Variants in ADAM29 observed in about 807,000 individuals in gnomAD.
ADAM29 encodes disintegrin and metalloproteinase domain-containing protein 29.
For missense variants in ADAM29, 969 were observed against 1,001.8 expected (o/e 0.97, Z 0.44); for synonymous variants, 367 against 342.3 (o/e 1.07, Z -0.80).
At position 174,973,853 on chromosome 4, in the gene ADAM29, A is replaced by G. The variant is rs190943529; in HGVS notation, c.-180-1493A>G. Among the ~76,000 whole-genome samples, 94 of 152,304 alleles carry G rather than the reference A, an allele frequency of 6.2e-4. 1 individual carries two copies. Among genetic ancestry groups the G allele is most frequent in the Non-Finnish European group, 9.9e-4 (67 of 68,010 alleles). ...AAAACAACGAGGCTTTGGTCTTCCT[A>G]TGTCATTTGATAGAGGGCTAGGAAA... On this transcript the variant is annotated intron_variant, in intron 4 of 4. Coordinates refer to ENST00000359240, the MANE Select transcript of ADAM29 (RefSeq NM_014269.4).
intron 4 of ADAM29, among the ~76,000 whole-genome samples, chr4:174,973,555 C>G (rs1031371557): frequency 6.6e-6 from 1 of 152,306 alleles, no homozygotes; most frequent in East Asian, 1.9e-4. Flanking sequence ...TGATGTCACT[C>G]TGTAGGAGAT....
intron 4 of ADAM29, among the ~76,000 whole-genome samples, chr4:174,965,166 T>G (rs979907982): frequency 3.3e-5 from 5 of 152,126 alleles, no homozygotes; most frequent in African/African-American, 9.7e-5. Flanking sequence ...TTAGGTCTTG[T>G]GAGGGACTCC....
At chr4:174,945,536 C>T (rs551377248) in intron 4 of ADAM29, among the ~76,000 whole-genome samples, 2 of 152,196 alleles carry the variant, frequency 1.3e-5, no homozygotes, top group South Asian at 2.1e-4. Context: ...GTTGCAATTG[C>T]TTTTGGCATC....
rs374178981 is a variant in ADAM29 at position 174,974,441 on chromosome 4, A to G, written c.-180-905A>G. ...TTTTCTTTTTATTAACCATCCTTCT[A>G]TTCTCTATGTCCATGAGTTTTCAGA... On this transcript the variant is annotated intron_variant, in intron 4 of 4. Transcript: ENST00000359240. Among the ~76,000 whole-genome samples, 5 of 152,246 alleles carry G rather than the reference A, an allele frequency of 3.3e-5. No individual in the cohort carries two copies. The East Asian group carries it at 5.8e-4, about 18-fold the overall frequency.
chr4:174,960,769 C>T (rs765768958), intron 4 of ADAM29, among the ~76,000 whole-genome samples: 5 of 152,144 alleles, frequency 3.3e-5, no homozygotes, highest in Non-Finnish European at 7.4e-5. Flanking sequence ...TTGTTTTGCA[C>T]TAACTTCCTG....
chr4:174,961,891 T>C (rs1414855668), intron 4 of ADAM29, among the ~76,000 whole-genome samples: 1 of 152,188 alleles, frequency 6.6e-6, no homozygotes, highest in African/African-American at 2.4e-5. Context: ...CTTCAGACAC[T>C]TTCTGTCTTT....
At chr4:174,962,122 A>G (rs1745856385) in intron 4 of ADAM29, among the ~76,000 whole-genome samples, 1 of 152,230 alleles carries the variant, frequency 6.6e-6, no homozygotes, top group African/African-American at 2.4e-5. Context: ...AAATTTGCAT[A>G]AACTTTTAAA....
chr4:174,959,131 T>A (rs1189223634), intron 4 of ADAM29, among the ~76,000 whole-genome samples: 6 of 151,952 alleles, frequency 3.9e-5, no homozygotes, highest in Non-Finnish European at 7.4e-5. Context: ...CGGAAAAACT[T>A]TTTTTAACAT....
intron 4 of ADAM29, among the ~76,000 whole-genome samples, chr4:174,973,340 G>A (rs1336300146): frequency 1.3e-5 from 2 of 152,126 alleles, no homozygotes; most frequent in African/African-American, 4.8e-5. Context: ...TGATTGTATG[G>A]CAGTACACTG....
At chr4:174,953,702 T>C (rs1285130775) in intron 4 of ADAM29, among the ~76,000 whole-genome samples, 1 of 152,084 alleles carries the variant, frequency 6.6e-6, no homozygotes, top group East Asian at 1.9e-4. Context: ...TTATGACCCA[T>C]GCTTTTTTTT....
intron 4 of ADAM29, among the ~76,000 whole-genome samples, chr4:174,959,484 T>TG (rs767324852): frequency 9.9e-4 from 142 of 143,716 alleles, no homozygotes; most frequent in African/African-American, 3.7e-3. Flanking sequence ...TGTGTGTGTG[T>TG]TTGTGTGTTT....
At position 174,923,521 on chromosome 4, in the gene ADAM29, ATATG is replaced by A. The variant is rs148405404; in HGVS notation, c.-451+2733_-451+2736del. On this transcript the variant is annotated intron_variant, in intron 2 of 4. Transcript: ENST00000359240. ...CATCATCCCCTATATACTGTGCATT[ATATG>A]TATATATATATATATATATATATAT... Among the ~76,000 whole-genome samples, 253 of 35,944 alleles carry A rather than the reference ATATG, an allele frequency of 7.0e-3. 5 individuals carry two copies. Among genetic ancestry groups the A allele is most frequent in the Admixed American group, 0.024 (64 of 2,692 alleles). 23.6% of individuals were successfully genotyped at this position (35,944 alleles called of 152,430 possible). A position where few individuals can be genotyped will look rare whatever the true frequency, so the allele number is the denominator to read the frequency against.
At chr4:174,969,343 C>T (rs536041103) in intron 4 of ADAM29, among the ~76,000 whole-genome samples, 1 of 151,556 alleles carries the variant, frequency 6.6e-6, no homozygotes, top group Non-Finnish European at 1.5e-5. Flanking sequence ...TTAAAAAAAA[C>T]TTCTACATAG....
chr4:174,950,801 G>A (rs1454135567), intron 4 of ADAM29, among the ~76,000 whole-genome samples: 2 of 152,064 alleles, frequency 1.3e-5, no homozygotes, highest in Non-Finnish European at 2.9e-5. Context: ...TTACATCATG[G>A]GGGCAGACGT....
At chr4:174,926,037 A>T (rs78741686) in intron 2 of ADAM29, among the ~76,000 whole-genome samples, 2,272 of 152,306 alleles carry the variant, frequency 0.015, 61 homozygotes, top group African/African-American at 0.051. Context: ...TAAAAAAAGG[A>T]GTATGGATCT....
At chr4:174,923,560 T>C (rs7692398) in intron 2 of ADAM29, among the ~76,000 whole-genome samples, 116 of 115,912 alleles carry the variant, frequency 1.0e-3, no homozygotes, top group African/African-American at 1.4e-3. Flanking sequence ...TATATATATA[T>C]ACACACACAC....
chr4:174,969,619 A>T (rs1746357446), intron 4 of ADAM29, among the ~76,000 whole-genome samples: 1 of 152,044 alleles, frequency 6.6e-6, no homozygotes, highest in South Asian at 2.1e-4. Context: ...TAATGTACAT[A>T]CATAAAAGAA....
At chr4:174,930,210 G>C (rs994446069) in intron 2 of ADAM29, among the ~76,000 whole-genome samples, 1 of 152,174 alleles carries the variant, frequency 6.6e-6, no homozygotes, top group Non-Finnish European at 1.5e-5. Context: ...GATTATAGGC[G>C]TGAGCCACCG....
At chr4:174,930,340 A>G (rs978262838) in intron 2 of ADAM29, among the ~76,000 whole-genome samples, 1 of 152,196 alleles carries the variant, frequency 6.6e-6, no homozygotes, top group Non-Finnish European at 1.5e-5. Context: ...CAATTTTCAC[A>G]TTGTGTTAAA....
Sources: allele counts gnomAD v4.1 joint callset (sites outside exome capture counted in the v4.1 genomes callset), GRCh38; gene constraint gnomAD v4.1.1; transcripts MANE v1.5; gene names NCBI Gene and HGNC (gene_info 2026-07-23, HGNC 2026-07-21).